The following CEBPD variants were observed in gnomAD, a reference collection of about 807,000 sequenced individuals.
CEBPD encodes the protein CCAAT enhancer binding protein delta.
For synonymous variants in CEBPD, 227 were observed against 194.8 expected, an observed-to-expected ratio of 1.17 and a Z score of -1.38; for missense variants, 410 against 409.4, an observed-to-expected ratio of 1.00 and a Z score of -0.01.
Position 47,737,491 on chromosome 8 carries a change from GT to G in CEBPD, c.629del (p.Asp210AlafsTer103). The G allele has an allele frequency of 6.2e-7, 1 of 1,608,638 alleles. No individual in the cohort carries two copies. The highest frequency in any genetic ancestry group is 8.5e-7 in the Non-Finnish European group (1 of 1,179,024). ...RNNIAVRKSR[D>X]KAKRRNQEMQ... The stretch of plus-strand genomic sequence containing the variant: ...TCTCCTGGTTGCGCCGCTTGGCCTT[GT>G]CGCGGCTCTTGCGCACGGCGATGTT... On this transcript the variant is annotated frameshift_variant, in exon 1 of 1. Coordinates refer to ENST00000408965, the MANE Select transcript of CEBPD (RefSeq NM_005195.4). LOFTEE classifies it high-confidence loss of function.
At position 47,737,353 on chromosome 8, in the gene CEBPD, GC is replaced by G; in HGVS notation, c.767del (p.Ser256ThrfsTer57). On this transcript the variant is annotated frameshift_variant, in exon 1 of 1. Transcript: ENST00000408965. LOFTEE classifies it high-confidence loss of function. Reference protein sequence around the residue: ...GLRQFFKQLPSPPFLPAAGTA... With the variant: ...GLRQFFKQLPXPPFLPAAGTA... ...TCCCGGCGGCCGGCAGGAAGGGCGG[GC>G]TGGGCAGCTGCTTGAAGAACTGCCG... The G allele has an allele frequency of 6.3e-7, 1 of 1,596,874 alleles. No individual in the cohort carries two copies. The highest frequency in any genetic ancestry group is 8.5e-7 in the Non-Finnish European group (1 of 1,174,094).
At position 47,737,567 on chromosome 8, in the gene CEBPD, C is replaced by T; in HGVS notation, c.554G>A (p.Arg185Lys). Residue 185 changes from arginine (R) to lysine (K), a missense_variant, in exon 1 of 1, where the codon AGG becomes AAG. Transcript: ENST00000408965. ...CTCGGGGCTGCCGCGGTCCGGGCCC[C>T]TCTTGCCGGCGCTCTTCTCCCGGGC... ...GPAREKSAGK[R>K]GPDRGSPEYR... 6.4e-7 allele frequency: 1 copy of T among 1,558,794 alleles called. No individual in the cohort carries two copies. Among genetic ancestry groups the T allele is most frequent in the Non-Finnish European group, 8.6e-7 (1 of 1,157,168 alleles).
rs1171195316 is a variant in CEBPD, at chr8:47,737,612, T to C, written c.509A>G (p.Gln170Arg). ...SPEPPRSSPR[Q>R]TPAPGPAREK... ...CCGGGCGGGGCCGGGCGCGGGGGTCTGCCTGGGGCTGCTGCGCGGCGGCTC... is the reference window on the plus strand; with the variant it reads ...CCGGGCGGGGCCGGGCGCGGGGGTCCGCCTGGGGCTGCTGCGCGGCGGCTC... Residue 170 changes from glutamine (Q) to arginine (R), a missense_variant, in exon 1 of 1, where the codon CAG becomes CGG. Physicochemically the swap from Gln to Arg is conservative, Grantham distance 43 (BLOSUM62 1). Transcript: ENST00000408965. 3.0e-6 allele frequency: 4 copies of C among 1,339,414 alleles called. No homozygotes were observed. Among genetic ancestry groups the C allele is most frequent in the South Asian group, 2.1e-5 (1 of 48,292 alleles). The allele number at this position is 1,339,414 out of a possible 1,614,324, so 83.0% of individuals were successfully genotyped here. A position where few individuals can be genotyped will look rare whatever the true frequency, so the allele number is the denominator to read the frequency against.
rs2086260349 is a variant in CEBPD at position 47,736,974 on chromosome 8, A to G, written c.*337T>C. ...TAAAAATTAATATAAAAAAGTGAGC[A>G]TGCTCAGTCTTTTCCTCTTATCTAC... On this transcript the variant is annotated 3_prime_UTR_variant, in exon 1 of 1. Transcript: ENST00000408965. 1.1e-5 allele frequency: 3 copies of G among 280,230 alleles called. No individual in the cohort carries two copies. The highest frequency in any genetic ancestry group is 2.0e-5 in the Non-Finnish European group (3 of 152,356). 17.4% of individuals were successfully genotyped at this position (280,230 alleles called of 1,614,324 possible).
rs1474407969 is a variant in CEBPD at position 47,737,968 on chromosome 8, G to A, written c.153C>T (p.Ala51=). ...CGATGGCGCTCTCGTCGTCGTACAT[G>A]GCGGGGGCGGCGGCGCCTGGCTCGC... ...ALGEPGAAAP[A]MYDDESAIDF... is the part of the protein sequence containing the mutation. Residue 51 remains alanine, a synonymous_variant, in exon 1 of 1, where the codon GCC becomes GCT. Transcript: ENST00000408965. The A allele has an allele frequency of 6.8e-7, 1 of 1,476,610 alleles. No homozygotes were observed. Among genetic ancestry groups the A allele is most frequent in the Non-Finnish European group, 9.0e-7 (1 of 1,108,518 alleles). The allele number at this position is 1,476,610 out of a possible 1,614,324, so 91.5% of individuals were successfully genotyped here.
In CEBPD at chr8:47,737,868, G is replaced by A; in HGVS notation, c.253C>T (p.Leu85Phe). 1 of 1,511,122 alleles carries A rather than the reference G, an allele frequency of 6.6e-7. No homozygotes were observed. Among genetic ancestry groups the A allele is most frequent in the Non-Finnish European group, 8.9e-7 (1 of 1,126,740 alleles). 93.6% of individuals were successfully genotyped at this position (1,511,122 alleles called of 1,614,324 possible). ...ELCHDELFAD[L>F]FNSNHKAGGA... Reference sequence around the variant, plus strand: ...CCCGCCTTGTGATTGCTGTTGAAGAGGTCGGCGAAGAGCTCGTCGTGGCAC... The same window carrying A: ...CCCGCCTTGTGATTGCTGTTGAAGAAGTCGGCGAAGAGCTCGTCGTGGCAC... The change falls in exon 1 of 1, where the codon CTC becomes TTC. Residue 85 changes from leucine (L) to phenylalanine (F), a missense_variant. Coordinates refer to ENST00000408965, the MANE Select transcript of CEBPD (RefSeq NM_005195.4).
chr8:47,737,524 C>G lies in CEBPD; in HGVS notation c.597G>C (p.Glu199Asp), dbSNP rs772748708. 2.9e-5 allele frequency: 47 copies of G among 1,603,374 alleles called. No homozygotes were observed. In the African/African-American group the frequency reaches 6.0e-4, roughly 20 times the overall value. The change falls in exon 1 of 1, where the codon GAG becomes GAC. Residue 199 changes from glutamate (E) to aspartate (D), a missense_variant. Physicochemically the swap from Glu to Asp is conservative, Grantham distance 45. Coordinates refer to ENST00000408965, the MANE Select transcript of CEBPD (RefSeq NM_005195.4). ...TCTTGCGCACGGCGATGTTGTTGCGCTCGCGCCGCTGCCGGTACTCGGGGC... is the reference window on the plus strand; with the variant it reads ...TCTTGCGCACGGCGATGTTGTTGCGGTCGCGCCGCTGCCGGTACTCGGGGC... ...RGSPEYRQRR[E>D]RNNIAVRKSR...
In CEBPD at chr8:47,737,605, G is replaced by T; in HGVS notation, c.516C>A (p.Pro172=). The part of the protein sequence containing the change: ...EPPRSSPRQT[P]APGPAREKSA... Reference sequence around the variant, plus strand: ...TCTTCTCCCGGGCGGGGCCGGGCGCGGGGGTCTGCCTGGGGCTGCTGCGCG... The same window carrying T: ...TCTTCTCCCGGGCGGGGCCGGGCGCTGGGGTCTGCCTGGGGCTGCTGCGCG... Residue 172 remains proline (P), a synonymous_variant, in exon 1 of 1, where the codon CCC becomes CCA. Transcript: ENST00000408965. 6.9e-7 allele frequency: 1 copy of T among 1,451,874 alleles called. No individual in the cohort carries two copies. Among genetic ancestry groups the T allele is most frequent in the Non-Finnish European group, 9.0e-7 (1 of 1,107,958 alleles). The allele number at this position is 1,451,874 out of a possible 1,614,324, so 89.9% of individuals were successfully genotyped here. A position where few individuals can be genotyped will look rare whatever the true frequency, so the allele number is the denominator to read the frequency against.
In CEBPD at chr8:47,737,999, G is replaced by A; in HGVS notation, c.122C>T (p.Ala41Val). 1 of 1,410,466 alleles carries A rather than the reference G, an allele frequency of 7.1e-7. No homozygotes were observed. Among genetic ancestry groups the A allele is most frequent in the Non-Finnish European group, 9.3e-7 (1 of 1,078,372 alleles). The allele number at this position is 1,410,466 out of a possible 1,614,324, so 87.4% of individuals were successfully genotyped here. Residue 41 changes from alanine (A) to valine (V), a missense_variant, in exon 1 of 1, where the codon GCC becomes GTC. Physicochemically the swap from Ala to Val is moderately conservative, Grantham distance 64 (BLOSUM62 0). Coordinates refer to ENST00000408965, the MANE Select transcript of CEBPD (RefSeq NM_005195.4). ...GKPGRGAEPG[A>V]LGEPGAAAPA... ...GGCGGCGGCGCCTGGCTCGCCTAGG[G>A]CCCCTGGCTCGGCCCCGCGGCCCGG...
Position 47,737,660 on chromosome 8 carries a change from T to G in CEBPD, c.461A>C (p.Gln154Pro). 8.0e-7 allele frequency: 1 copy of G among 1,250,008 alleles called. No homozygotes were observed. 77.4% of individuals were successfully genotyped at this position (1,250,008 alleles called of 1,614,324 possible). Reference sequence around the variant, plus strand: ...CTCCGGCGACGTGGGCGGGGTGGGCTGCCCTGCGGCCGCCAAGCTCACCAC... The same window carrying G: ...CTCCGGCGACGTGGGCGGGGTGGGCGGCCCTGCGGCCGCCAAGCTCACCAC... ...QTVVSLAAAG[Q>P]PTPPTSPEPP... The change falls in exon 1 of 1, where the codon CAG becomes CCG. Residue 154 changes from glutamine (Q) to proline (P), a missense_variant. By Grantham distance (76) the Gln-to-Pro change is moderately conservative. Transcript: ENST00000408965.
In CEBPD at chr8:47,737,666, G is replaced by A; in HGVS notation, c.455C>T (p.Ala152Val). The change falls in exon 1 of 1, where the codon GCA becomes GTA. Residue 152 changes from alanine to valine, a missense_variant. Physicochemically the swap from Ala to Val is moderately conservative, Grantham distance 64 (BLOSUM62 0). Coordinates refer to ENST00000408965, the MANE Select transcript of CEBPD (RefSeq NM_005195.4). ...CAQTVVSLAA[A>V]GQPTPPTSPE... is the part of the protein sequence containing the mutation. ...CGACGTGGGCGGGGTGGGCTGCCCT[G>A]CGGCCGCCAAGCTCACCACGGTCTG... 1 of 1,246,938 alleles carries A rather than the reference G, an allele frequency of 8.0e-7. No homozygotes were observed. Among genetic ancestry groups the A allele is most frequent in the Non-Finnish European group, 1.0e-6 (1 of 1,000,270 alleles). 77.2% of individuals were successfully genotyped at this position (1,246,938 alleles called of 1,614,324 possible). A position where few individuals can be genotyped will look rare whatever the true frequency, so the allele number is the denominator to read the frequency against.
Position 47,738,006 on chromosome 8 carries a change from G to T in CEBPD, c.115C>A (p.Pro39Thr). ...GCGCCTGGCTCGCCTAGGGCCCCTG[G>T]CTCGGCCCCGCGGCCCGGCTTGCCC... is the stretch of plus-strand genomic sequence containing the variant. ...RAGKPGRGAE[P>T]GALGEPGAAA... The change falls in exon 1 of 1, where the codon CCA becomes ACA. Residue 39 changes from proline to threonine, a missense_variant. Transcript: ENST00000408965. This position sits in a 1 kb window ranked among gnomAD's most constrained non-coding sequence, Gnocchi z 4.1. 7.3e-7 allele frequency: 1 copy of T among 1,369,756 alleles called. No homozygotes were observed. The allele number at this position is 1,369,756 out of a possible 1,614,324, so 84.9% of individuals were successfully genotyped here.
rs1444999549 is a variant in CEBPD at position 47,737,338 on chromosome 8, C to T, written c.783G>A (p.Pro261=). The change falls in exon 1 of 1, where the codon CCG becomes CCA. Residue 261 remains proline (P), a synonymous_variant. Transcript: ENST00000408965. ...FKQLPSPPFL[P]AAGTADCR Reference sequence around the variant, plus strand: ...ACCGGCAGTCTGCTGTCCCGGCGGCCGGCAGGAAGGGCGGGCTGGGCAGCT... The same window carrying T: ...ACCGGCAGTCTGCTGTCCCGGCGGCTGGCAGGAAGGGCGGGCTGGGCAGCT... 5 of 1,594,940 alleles carry T rather than the reference C, an allele frequency of 3.1e-6. No individual in the cohort carries two copies. Among genetic ancestry groups the T allele is most frequent in the Admixed American group, 1.7e-5 (1 of 58,694 alleles).
Position 47,737,538 on chromosome 8 carries a change from G to C in CEBPD, c.583C>G (p.Arg195Gly). The change falls in exon 1 of 1, where the codon CGG becomes GGG. Residue 195 changes from arginine (R) to glycine (G), a missense_variant. Physicochemically the swap from Arg to Gly is moderately radical, Grantham distance 125. Transcript: ENST00000408965. The stretch of plus-strand genomic sequence containing the variant: ...ATGTTGTTGCGCTCGCGCCGCTGCC[G>C]GTACTCGGGGCTGCCGCGGTCCGGG... ...RGPDRGSPEYRQRRERNNIAV... is the reference protein window; with the variant it reads ...RGPDRGSPEYGQRRERNNIAV... 6.2e-7 allele frequency: 1 copy of C among 1,601,944 alleles called. No individual in the cohort carries two copies. The highest frequency in any genetic ancestry group is 8.5e-7 in the Non-Finnish European group (1 of 1,176,664).
In CEBPD at chr8:47,737,980, G is replaced by A. The variant is rs1444464887; in HGVS notation, c.141C>T (p.Ala47=). Residue 47 remains alanine (A), a synonymous_variant, in exon 1 of 1, where the codon GCC becomes GCT. Coordinates refer to ENST00000408965, the MANE Select transcript of CEBPD (RefSeq NM_005195.4). ...CGTCGTCGTACATGGCGGGGGCGGCGGCGCCTGGCTCGCCTAGGGCCCCTG... is the reference window on the plus strand; with the variant it reads ...CGTCGTCGTACATGGCGGGGGCGGCAGCGCCTGGCTCGCCTAGGGCCCCTG... ...AEPGALGEPG[A]AAPAMYDDES... is the part of the protein sequence containing the mutation. The A allele has an allele frequency of 2.0e-6, 3 of 1,468,136 alleles. No homozygotes were observed. The highest frequency in any genetic ancestry group is 1.8e-6 in the Non-Finnish European group (2 of 1,104,932). 90.9% of individuals were successfully genotyped at this position (1,468,136 alleles called of 1,614,324 possible). A position where few individuals can be genotyped will look rare whatever the true frequency, so the allele number is the denominator to read the frequency against.
In CEBPD at chr8:47,738,048, A is replaced by T. The variant is rs1185690258; in HGVS notation, c.73T>A (p.Tyr25Asn). ...APWPAEPAPFYEPGRAGKPGR... is the reference protein window; with the variant it reads ...APWPAEPAPFNEPGRAGKPGR... ...GGCTTGCCCGCCCGGCCCGGTTCGT[A>T]GAAGGGCGCAGGCTCCGCAGGCCAG... The change falls in exon 1 of 1, where the codon TAC becomes AAC. Residue 25 changes from tyrosine to asparagine, a missense_variant. Tyr to Asn is a moderately radical substitution (Grantham distance 143). Coordinates refer to ENST00000408965, the MANE Select transcript of CEBPD (RefSeq NM_005195.4). This position sits in a 1 kb window ranked among gnomAD's most constrained non-coding sequence, Gnocchi z 4.1. 7 of 1,270,940 alleles carry T rather than the reference A, an allele frequency of 5.5e-6. No individual in the cohort carries two copies. Among genetic ancestry groups the T allele is most frequent in the Non-Finnish European group, 6.9e-6 (7 of 1,009,414 alleles). 78.7% of individuals were successfully genotyped at this position (1,270,940 alleles called of 1,614,324 possible). A position where few individuals can be genotyped will look rare whatever the true frequency, so the allele number is the denominator to read the frequency against.
Position 47,738,153 on chromosome 8 carries a change from A to C in CEBPD, c.-33T>G, listed in dbSNP as rs1414359753. 4 of 1,154,206 alleles carry C rather than the reference A, an allele frequency of 3.5e-6. No homozygotes were observed. The East Asian group carries it at 1.6e-4, about 47-fold the overall frequency. The allele number at this position is 1,154,206 out of a possible 1,614,324, so 71.5% of individuals were successfully genotyped here. A position where few individuals can be genotyped will look rare whatever the true frequency, so the allele number is the denominator to read the frequency against. ...TCGGGCCGGGCTCTGCGTCCAAGCG[A>C]GGCTGTCACCTCGCTGGGCCCAGCC... On this transcript the variant is annotated 5_prime_UTR_variant, in exon 1 of 1. Coordinates refer to ENST00000408965, the MANE Select transcript of CEBPD (RefSeq NM_005195.4). This position sits in a 1 kb window ranked among gnomAD's most constrained non-coding sequence, Gnocchi z 4.1.
In CEBPD at chr8:47,737,486, G is replaced by A. The variant is rs1397276773; in HGVS notation, c.635C>T (p.Ala212Val). Residue 212 changes from alanine (A) to valine (V), a missense_variant, in exon 1 of 1, where the codon GCC becomes GTC. Transcript: ENST00000408965. ...NIAVRKSRDK[A>V]KRRNQEMQQK... ...CTGCATCTCCTGGTTGCGCCGCTTG[G>A]CCTTGTCGCGGCTCTTGCGCACGGC... is the stretch of plus-strand genomic sequence containing the variant. 1.9e-6 allele frequency: 3 copies of A among 1,608,820 alleles called. No individual in the cohort carries two copies. The highest frequency in any genetic ancestry group is 2.5e-6 in the Non-Finnish European group (3 of 1,179,084).
Position 47,737,296 on chromosome 8 carries a change from C to T in CEBPD, c.*15G>A. ...GTATGGGTCGTTGCTGAGTCTCTCC[C>T]GCCCCGGCCGCGCGTTACCGGCAGT... On this transcript the variant is annotated 3_prime_UTR_variant, in exon 1 of 1. Transcript: ENST00000408965. 1.3e-6 allele frequency: 2 copies of T among 1,580,442 alleles called. No individual in the cohort carries two copies. Among genetic ancestry groups the T allele is most frequent in the Non-Finnish European group, 8.6e-7 (1 of 1,165,238 alleles).
Sources: gnomAD v4.1 joint callset for allele counts on GRCh38, gnomAD v4.1.1 for gene constraint, Gnocchi (gnomAD v3.1) non-coding constraint, MANE v1.5 for transcripts, NCBI Gene and HGNC (gene_info 2026-07-23, HGNC 2026-07-21) for gene names.